Variants in TRPC7 observed in about 807,000 individuals in gnomAD.
TRPC7 encodes transient receptor potential cation channel subfamily C member 7.
Under a neutral mutation model 90.1 loss-of-function variants are expected in TRPC7, and 42 were observed. That is an observed-to-expected ratio of 0.47 (90% confidence interval 0.36 to 0.60). The LOEUF is 0.60. TRPC7 is among the 20% of genes least tolerant of loss of function. The pLI is 0.00. For synonymous variants in TRPC7, 451 were observed against 436.3 expected, an observed-to-expected ratio of 1.03 and a Z score of -0.42; for missense variants, 955 against 1,112.3, an observed-to-expected ratio of 0.86 and a Z score of 2.01.
At chr5:136,288,191 C>A (rs924355681) in intron 3 of TRPC7, among the ~76,000 whole-genome samples, 2 of 151,930 alleles carry the variant, frequency 1.3e-5, no homozygotes, top group East Asian at 3.9e-4. Context: ...AACCCAGACA[C>A]GCCTACTTCA....
At chr5:136,326,209 C>T (rs902374440) in intron 2 of TRPC7, among the ~76,000 whole-genome samples, 6 of 152,220 alleles carry the variant, frequency 3.9e-5, no homozygotes, top group Admixed American at 6.5e-5. Flanking sequence ...TGCTTCATTA[C>T]CGTATTTCTT....
At chr5:136,279,752 C>T (rs149542817) in intron 3 of TRPC7, among the ~76,000 whole-genome samples, 2 of 152,336 alleles carry the variant, frequency 1.3e-5, no homozygotes, top group East Asian at 1.9e-4. Context: ...TTATTTTCAA[C>T]TCCTCCCCTT....
chr5:136,342,192 C>T (rs1324468828), intron 2 of TRPC7, among the ~76,000 whole-genome samples: 1 of 152,170 alleles, frequency 6.6e-6, no homozygotes, highest in South Asian at 2.1e-4. Flanking sequence ...ATCAAGGTAA[C>T]AGGACATGAA....
Position 136,365,462 on chromosome 5 carries a change from C to A in TRPC7, c.-208G>T. ...GTTGCAGTGGTAAAAACTCGCCTTC[C>A]GAGGCAGAACCGTGTTACCGTCCTT... is the stretch of plus-strand genomic sequence containing the variant. On this transcript the variant is annotated 5_prime_UTR_variant, in exon 1 of 12. Coordinates refer to ENST00000513104, the MANE Select transcript of TRPC7 (RefSeq NM_020389.3). 1.7e-6 allele frequency: 1 copy of A among 587,844 alleles called. No homozygotes were observed. Among genetic ancestry groups the A allele is most frequent in the Non-Finnish European group, 3.0e-6 (1 of 330,664 alleles). The allele number at this position is 587,844 out of a possible 1,614,324, so 36.4% of individuals were successfully genotyped here.
chr5:136,353,209 G>T (rs1760257408), intron 2 of TRPC7, among the ~76,000 whole-genome samples: 1 of 152,188 alleles, frequency 6.6e-6, no homozygotes, highest in Non-Finnish European at 1.5e-5. Context: ...GCCACAATTT[G>T]CTGAAGACCT....
At position 136,213,600 on chromosome 5, in the gene TRPC7, C is replaced by T. The variant is rs761566093; in HGVS notation, c.2424G>A (p.Glu808=). 4.3e-6 allele frequency: 7 copies of T among 1,613,774 alleles called. No homozygotes were observed. In the African/African-American group the frequency reaches 9.3e-5, roughly 22 times the overall value. Residue 808 remains glutamate (E), a synonymous_variant, in exon 12 of 12, where the codon GAG becomes GAA. Transcript: ENST00000513104. ...AGATATCTTGCTTGATTTCCTTCAG[C>T]TCGCCTGCAAGGACAGAGGAGATTT... ...DRENDEVNEG[E]LKEIKQDISS...
intron 3 of TRPC7, among the ~76,000 whole-genome samples, chr5:136,283,887 T>C (rs1413038592): frequency 6.6e-6 from 1 of 152,204 alleles, no homozygotes; most frequent in Non-Finnish European, 1.5e-5. Flanking sequence ...TCAATGGACA[T>C]CTACTCTCCT....
chr5:136,291,161 C>A (rs1757932662), intron 3 of TRPC7, among the ~76,000 whole-genome samples: 2 of 152,308 alleles, frequency 1.3e-5, no homozygotes, highest in African/African-American at 2.4e-5. Context: ...TGGAAAGGAA[C>A]AACTGGTACC....
intron 7 of TRPC7, among the ~76,000 whole-genome samples, chr5:136,233,514 C>T (rs1755881492): frequency 6.6e-6 from 1 of 152,164 alleles, no homozygotes. Flanking sequence ...ACCAGATGAA[C>T]CCTAAATTCC....
chr5:136,320,855 C>T (rs923656891), intron 2 of TRPC7, among the ~76,000 whole-genome samples: 17 of 152,186 alleles, frequency 1.1e-4, no homozygotes, highest in African/African-American at 4.1e-4. Context: ...GTGGCTCCTC[C>T]ACTCCTCATT....
intron 5 of TRPC7, among the ~76,000 whole-genome samples, chr5:136,265,999 C>A (rs1294292685): frequency 1.3e-5 from 2 of 152,180 alleles, no homozygotes; most frequent in East Asian, 3.9e-4. Flanking sequence ...AAATTTCTGT[C>A]CCCCGCCGCC....
At position 136,216,308 on chromosome 5, in the gene TRPC7, G is replaced by A. The variant is rs776294627; in HGVS notation, c.2344-33C>T. The A allele has an allele frequency of 8.9e-6, 14 of 1,578,698 alleles. No individual in the cohort carries two copies. In the East Asian group the frequency reaches 2.0e-4, roughly 23 times the overall value. On this transcript the variant is annotated intron_variant, in intron 10 of 11. Coordinates refer to ENST00000513104, the MANE Select transcript of TRPC7 (RefSeq NM_020389.3). The stretch of plus-strand genomic sequence containing the variant: ...GCCAAGCAAGGAAGGGATCAGACAG[G>A]GCTGGCCTAATGCAGAGGCAGCCTG...
At chr5:136,290,658 CATCTA>C (rs1757909971) in intron 3 of TRPC7, among the ~76,000 whole-genome samples, 1 of 152,320 alleles carries the variant, frequency 6.6e-6, no homozygotes, top group East Asian at 1.9e-4. Context: ...ACCAAGTCTA[CATCTA>C]ATTGGTGTAC....
chr5:136,309,203 A>C (rs989899568), intron 3 of TRPC7, among the ~76,000 whole-genome samples: 1 of 152,214 alleles, frequency 6.6e-6, no homozygotes, highest in Non-Finnish European at 1.5e-5. Context: ...TCTATGAAAG[A>C]ATCTTGAAGT....
intron 2 of TRPC7, among the ~76,000 whole-genome samples, chr5:136,342,053 T>C (rs1464536915): frequency 2.0e-5 from 3 of 152,214 alleles, no homozygotes; most frequent in African/African-American, 7.2e-5. Context: ...TTCAGGTAAT[T>C]TATTCATGCC....
At chr5:136,256,338 A>G (rs1756683172) in intron 5 of TRPC7, among the ~76,000 whole-genome samples, 2 of 152,156 alleles carry the variant, frequency 1.3e-5, no homozygotes, top group South Asian at 4.1e-4. Flanking sequence ...TAGTGCATCT[A>G]GCCCTGAAAC....
chr5:136,218,356 A>C (rs1399437064), intron 10 of TRPC7, among the ~76,000 whole-genome samples: 1 of 151,962 alleles, frequency 6.6e-6, no homozygotes, highest in Non-Finnish European at 1.5e-5. Context: ...GTTATCTGTC[A>C]TTCTTGCTGA....
Position 136,365,289 on chromosome 5 carries a change from G to A in TRPC7, c.-35C>T, listed in dbSNP as rs1166961344. On this transcript the variant is annotated 5_prime_UTR_variant, in exon 1 of 12. Coordinates refer to ENST00000513104, the MANE Select transcript of TRPC7 (RefSeq NM_020389.3). ...AATACGCAGGCTTGTTCCTCCTCTA[G>A]ATGACCGGAATCCGGTGTTGAGTCG... is the stretch of plus-strand genomic sequence containing the variant. 6.5e-7 allele frequency: 1 copy of A among 1,536,962 alleles called. No individual in the cohort carries two copies. Among genetic ancestry groups the A allele is most frequent in the Non-Finnish European group, 8.7e-7 (1 of 1,146,814 alleles).
chr5:136,341,674 A>G (rs922174290), intron 2 of TRPC7, among the ~76,000 whole-genome samples: 1 of 152,208 alleles, frequency 6.6e-6, no homozygotes, highest in African/African-American at 2.4e-5. Flanking sequence ...AAAATTGAAA[A>G]GAAGATGAAT....
Sources: allele counts gnomAD v4.1 joint callset (sites outside exome capture counted in the v4.1 genomes callset), GRCh38; gene constraint gnomAD v4.1.1; transcripts MANE v1.5; gene names NCBI Gene and HGNC (gene_info 2026-07-23, HGNC 2026-07-21).